The following PHF11 variants were observed in gnomAD, a reference collection of about 807,000 sequenced individuals.
PHF11 encodes PHD finger protein 11, also known as BRCA1 C-terminus-associated protein.
A neutral mutation model predicts 40.5 loss-of-function variants in PHF11; 38 were observed. The ratio of observed to expected loss-of-function variants is 0.94; its 90% CI spans 0.72 to 1.23. PHF11 has a LOEUF of 1.23. Ranked by LOEUF, PHF11 falls within the 50% of genes most tolerant of loss-of-function variation. The pLI, the probability that PHF11 is intolerant of heterozygous loss-of-function variation, is 0.00. For synonymous variants in PHF11, 127 were observed against 138.2 expected (o/e 0.92, Z 0.57); for missense variants, 369 against 392.4 (o/e 0.94, Z 0.50).
chr13:49,496,069 C>T lies in PHF11; in HGVS notation c.68C>T (p.Ala23Val). The change falls in exon 1 of 10, where the codon GCG (alanine) becomes GTG (valine). Residue 23 changes from alanine to valine, a missense_variant. By Grantham distance (64) the Ala-to-Val change is moderately conservative. Transcript: ENST00000378319. ...LGASSPEARP[A>V]QEALLLPTGV... ...GCCAGCAGCCCGGAGGCCCGGCCCG[C>T]GCAGGAGGCGCTCCTCCTTCCCACC... 4 of 1,440,736 alleles carry T rather than the reference C, an allele frequency of 2.8e-6. No individual in the cohort carries two copies. The highest frequency in any genetic ancestry group is 3.6e-6 in the Non-Finnish European group (4 of 1,104,422). The allele number at this position is 1,440,736 out of a possible 1,614,324, so 89.2% of individuals were successfully genotyped here.
In PHF11 at chr13:49,524,139, AT is replaced by A; in HGVS notation, c.694del (p.Tyr232ThrfsTer7). 1 of 1,606,326 alleles carries A rather than the reference AT, an allele frequency of 6.2e-7. No homozygotes were observed. ...AAATGCAAGGAAGCAGGACTTCTTA[AT>A]TACTTACTTGAAGAAATATTAGACA... ...LKKCKEAGLLNYLLEEILDKV... is the reference protein window; with the variant it reads ...LKKCKEAGLLXYLLEEILDKV... On this transcript the variant is annotated frameshift_variant, in exon 8 of 10. Coordinates refer to ENST00000378319, the MANE Select transcript of PHF11 (RefSeq NM_001040443.3). LOFTEE classifies it high-confidence loss of function.
intron 5 of PHF11, chr13:49,521,612 G>A (rs1959188176): frequency 2.5e-6 from 1 of 392,914 alleles, no homozygotes; most frequent in Non-Finnish European, 3.5e-6. Context: ...TTATTGACAG[G>A]GAAAAGCACC....
intron 1 of PHF11, among the ~76,000 whole-genome samples, chr13:49,496,830 C>CTTTTT (rs34505707): frequency 0.031 from 2,762 of 87,942 alleles, 144 homozygotes; most frequent in East Asian, 0.13. Context: ...TGGGCTTACC[C>CTTTTT]TTTTTTTTTT....
chr13:49,524,324 CT>C, intron 8 of PHF11, 108 bp downstream of exon 8: 2 of 867,552 alleles, frequency 2.3e-6, no homozygotes, highest in Non-Finnish European at 3.6e-6. Flanking sequence ...TCCTATACTA[CT>C]TTTTTCTTCT....
chr13:49,501,053 G>T (rs574463288), intron 1 of PHF11, among the ~76,000 whole-genome samples: 2 of 123,204 alleles, frequency 1.6e-5, no homozygotes, highest in Non-Finnish European at 3.1e-5. Context: ...TGTTCTCATC[G>T]CCTAGGCTGG....
intron 3 of PHF11, among the ~76,000 whole-genome samples, chr13:49,515,326 G>A (rs1473331540): frequency 6.6e-6 from 1 of 151,990 alleles, no homozygotes; most frequent in Non-Finnish European, 1.5e-5. Flanking sequence ...GTACCTTGAG[G>A]GTGAGCAGCA....
At chr13:49,514,485 C>T (rs1289751952) in intron 3 of PHF11, among the ~76,000 whole-genome samples, 1 of 152,096 alleles carries the variant, frequency 6.6e-6, no homozygotes. Context: ...GGGCATGGTG[C>T]TGCATGCCTC....
Position 49,496,369 on chromosome 13 carries a change from G to A in PHF11, c.94+274G>A, listed in dbSNP as rs1405575277. Reference sequence around the variant, plus strand: ...TTCGCGCGAGTGGTGGGCACGCTTCGGTTTACCTCCCCCGCGGGTGACAGC... The same window carrying A: ...TTCGCGCGAGTGGTGGGCACGCTTCAGTTTACCTCCCCCGCGGGTGACAGC... On this transcript the variant is annotated intron_variant, in intron 1 of 9. Transcript: ENST00000378319. 4.0e-5 allele frequency: 46 copies of A among 1,155,950 alleles called. No individual in the cohort carries two copies. In the East Asian group the frequency reaches 1.3e-3, roughly 34 times the overall value. 71.6% of individuals were successfully genotyped at this position (1,155,950 alleles called of 1,614,324 possible). A position where few individuals can be genotyped will look rare whatever the true frequency, so the allele number is the denominator to read the frequency against.
intron 3 of PHF11, among the ~76,000 whole-genome samples, chr13:49,513,393 C>T (rs1001701017): frequency 9.4e-5 from 14 of 148,882 alleles, no homozygotes; most frequent in East Asian, 2.0e-4. Flanking sequence ...TGCAGTGACA[C>T]GGTCTCAGCT....
chr13:49,506,093 G>C (rs1158014147), intron 1 of PHF11, among the ~76,000 whole-genome samples: 1 of 152,032 alleles, frequency 6.6e-6, no homozygotes, highest in East Asian at 1.9e-4. Flanking sequence ...TGTGTTTCTT[G>C]AATAAAGGTC....
intron 2 of PHF11, among the ~76,000 whole-genome samples, chr13:49,509,245 T>C (rs1484869332): frequency 6.6e-6 from 1 of 151,104 alleles, no homozygotes; most frequent in East Asian, 2.0e-4. Flanking sequence ...AGAGTCTTGC[T>C]CTGTCGCCCC....
rs763826540 is a variant in PHF11, at chr13:49,520,876, T to C, written c.459-18T>C. The stretch of plus-strand genomic sequence containing the variant: ...TAAATAAAAATATTTTACAATTCTT[T>C]GAAATTAAATATTTCAGACTGCTTT... On this transcript the variant is annotated intron_variant, in intron 4 of 9. Transcript: ENST00000378319. 6.7e-7 allele frequency: 1 copy of C among 1,502,996 alleles called. No homozygotes were observed. Among genetic ancestry groups the C allele is most frequent in the Non-Finnish European group, 9.1e-7 (1 of 1,096,182 alleles). 93.1% of individuals were successfully genotyped at this position (1,502,996 alleles called of 1,614,324 possible). A position where few individuals can be genotyped will look rare whatever the true frequency, so the allele number is the denominator to read the frequency against.
chr13:49,508,171 T>A (rs891388594), intron 2 of PHF11, among the ~76,000 whole-genome samples: 1 of 147,888 alleles, frequency 6.8e-6, no homozygotes, highest in African/African-American at 2.5e-5. Flanking sequence ...TATGTATTAA[T>A]ATATTATTAA....
intron 1 of PHF11, among the ~76,000 whole-genome samples, chr13:49,503,079 TCCTTGGCAG>T (rs1206683185): frequency 6.6e-6 from 1 of 152,190 alleles, no homozygotes; most frequent in African/African-American, 2.4e-5. Context: ...TCAGACATCC[TCCTTGGCAG>T]CCTTTCAACA....
intron 2 of PHF11, among the ~76,000 whole-genome samples, chr13:49,507,029 G>A (rs1480404662): frequency 3.5e-5 from 5 of 144,600 alleles, no homozygotes; most frequent in Admixed American, 7.3e-5. Flanking sequence ...TCAGCCTCCC[G>A]AGTAGCTGGG....
chr13:49,526,252 G>GC (rs1959270635), intron 8 of PHF11, 135 bp from the exon 9 acceptor site: 10 of 602,792 alleles, frequency 1.7e-5, no homozygotes, highest in East Asian at 2.9e-5. Flanking sequence ...TGCTGCTGCT[G>GC]TTGCCATCTA....
intron 3 of PHF11, among the ~76,000 whole-genome samples, chr13:49,516,805 G>C (rs911305635): frequency 6.6e-6 from 1 of 151,748 alleles, no homozygotes; most frequent in Non-Finnish European, 1.5e-5. Context: ...AGCTGGTCTC[G>C]AACTCCTGGG....
At chr13:49,501,053 G>A (rs574463288) in intron 1 of PHF11, among the ~76,000 whole-genome samples, 2 of 123,224 alleles carry the variant, frequency 1.6e-5, no homozygotes, top group East Asian at 5.2e-4. Flanking sequence ...TGTTCTCATC[G>A]CCTAGGCTGG....
intron 9 of PHF11, 141 bp downstream of exon 9, chr13:49,526,599 A>T (rs921961060): frequency 1.6e-6 from 1 of 644,710 alleles, no homozygotes; most frequent in African/African-American, 1.8e-5. Flanking sequence ...CAATTACAAA[A>T]ACAGTATGAC....
Sources: allele counts gnomAD v4.1 joint callset (sites outside exome capture counted in the v4.1 genomes callset), GRCh38; gene constraint gnomAD v4.1.1; transcripts MANE v1.5; gene names NCBI Gene and HGNC (gene_info 2026-07-23, HGNC 2026-07-21).